SHROOM3: variants seen among roughly 807,000 people sequenced by gnomAD.
SHROOM3 encodes the protein shroom family member 3.
In SHROOM3, 47 loss-of-function variants were observed where a neutral mutation model predicts 138.6. That is an observed-to-expected ratio of 0.34 (90% CI 0.27 to 0.43). The LOEUF (loss-of-function observed/expected upper bound fraction) is 0.43. Among genes scored for constraint, SHROOM3 ranks in the 20% least tolerant of loss-of-function variants. The pLI, the probability that SHROOM3 is intolerant of heterozygous loss-of-function variation, is 1.00. For missense variants in SHROOM3, 2,491 were observed against 2,596.5 expected, an observed-to-expected ratio of 0.96 and a Z score of 0.88; for synonymous variants, 1,062 against 1,063.3, an observed-to-expected ratio of 1.00 and a Z score of 0.02.
chr4:76,643,962 G>A (rs1404679517), intron 2 of SHROOM3, among the ~76,000 whole-genome samples: 1 of 151,258 alleles, frequency 6.6e-6, no homozygotes, highest in African/African-American at 2.4e-5. Context: ...CTCCTGCCTC[G>A]GCCTCCAAAG....
At chr4:76,482,373 AGAGCCAAATCAT>A (rs1196225062) in intron 1 of SHROOM3, among the ~76,000 whole-genome samples, 1 of 152,206 alleles carries the variant, frequency 6.6e-6, no homozygotes, top group African/African-American at 2.4e-5. Context: ...AGACAAACAG[AGAGCCAAATCAT>A]GAGCCAAATC....
chr4:76,532,578 A>C (rs899065612), intron 1 of SHROOM3, among the ~76,000 whole-genome samples: 2 of 147,688 alleles, frequency 1.4e-5, no homozygotes, highest in African/African-American at 5.2e-5. Context: ...TGTGCCTTTC[A>C]CCCAAAACTT....
At chr4:76,743,720 G>A (rs1721339515) in intron 5 of SHROOM3, among the ~76,000 whole-genome samples, 1 of 152,106 alleles carries the variant, frequency 6.6e-6, no homozygotes, top group Admixed American at 6.5e-5. Flanking sequence ...GTTTAGAATT[G>A]TACAGAAATA....
Position 76,756,905 on chromosome 4 carries a change from A to G in SHROOM3, c.5166A>G (p.Arg1722=). 1 of 1,614,064 alleles carries G rather than the reference A, an allele frequency of 6.2e-7. No individual in the cohort carries two copies. The highest frequency in any genetic ancestry group is 1.1e-5 in the South Asian group (1 of 91,060). ...ENSVKRKAIQ[R]TVSSSGCEGK... is the part of the protein sequence containing the mutation. The stretch of plus-strand genomic sequence containing the variant: ...GTGTAAAGAGGAAGGCCATACAGAG[A>G]ACTGTCAGCTCTTCAGGATGTGAAG... The change falls in exon 8 of 11, where the codon AGA becomes AGG. Residue 1722 remains arginine (R), a synonymous_variant. Transcript: ENST00000296043.
chr4:76,437,921 G>A (rs1401827883), intron 1 of SHROOM3, among the ~76,000 whole-genome samples: 2 of 152,154 alleles, frequency 1.3e-5, no homozygotes, highest in Admixed American at 6.6e-5. Flanking sequence ...TGACAGAAAG[G>A]TCTAATCCTC....
At chr4:76,601,927 A>C (rs1483734780) in intron 2 of SHROOM3, among the ~76,000 whole-genome samples, 8 of 152,186 alleles carry the variant, frequency 5.3e-5, no homozygotes, top group Non-Finnish European at 1.2e-4. Context: ...TTGTGACTGC[A>C]AAAAAACAAC....
intron 2 of SHROOM3, among the ~76,000 whole-genome samples, chr4:76,653,985 A>C (rs1049317556): frequency 4.6e-5 from 7 of 152,214 alleles, no homozygotes; most frequent in Non-Finnish European, 1.0e-4. Flanking sequence ...GTAATGGAGA[A>C]AAACTCATAT....
Position 76,514,568 on chromosome 4 carries a change from T to G in SHROOM3, c.169-41041T>G, listed in dbSNP as rs144726859. On this transcript the variant is annotated intron_variant, in intron 1 of 10. Transcript: ENST00000296043. Reference sequence around the variant, plus strand: ...ACGATGAAAATGTTCTGAAATTAGATAGTGGTCCTAGTTCCACAACTCTGT... The same window carrying G: ...ACGATGAAAATGTTCTGAAATTAGAGAGTGGTCCTAGTTCCACAACTCTGT... Among the ~76,000 whole-genome samples the G allele has an allele frequency of 5.4e-3, 816 of 152,296 alleles. 8 individuals carry two copies. The highest frequency in any genetic ancestry group is 0.019 in the African/African-American group (783 of 41,550).
At chr4:76,648,506 AT>A (rs11360201) in intron 2 of SHROOM3, among the ~76,000 whole-genome samples, 100,992 of 150,052 alleles carry the variant, frequency 0.67, 34,572 homozygotes, top group East Asian at 0.94. Context: ...AAAGACCTGC[AT>A]TTTTTTTTTT....
intron 1 of SHROOM3, among the ~76,000 whole-genome samples, chr4:76,468,035 G>A (rs1410925649): frequency 6.6e-6 from 1 of 152,254 alleles, no homozygotes; most frequent in African/African-American, 2.4e-5. Flanking sequence ...AGAATGGCAA[G>A]CAGCCTGTTG....
chr4:76,634,614 A>C (rs1040863162), intron 2 of SHROOM3, among the ~76,000 whole-genome samples: 7 of 152,224 alleles, frequency 4.6e-5, no homozygotes, highest in Admixed American at 1.3e-4. Flanking sequence ...TTAGGTTTAT[A>C]ATTTATCAAA....
chr4:76,579,431 G>A (rs1372455876), intron 2 of SHROOM3, among the ~76,000 whole-genome samples: 2 of 152,350 alleles, frequency 1.3e-5, no homozygotes, highest in East Asian at 3.9e-4. Context: ...TCGTGCCACT[G>A]CACTCCAGCC....
chr4:76,605,938 TATATATATACAC>T (rs1560561989), intron 2 of SHROOM3, among the ~76,000 whole-genome samples: 1 of 142,146 alleles, frequency 7.0e-6, no homozygotes, highest in African/African-American at 2.7e-5. Flanking sequence ...TCTCTCTATA[TATATATATACAC>T]ATATATATAT....
intron 1 of SHROOM3, among the ~76,000 whole-genome samples, chr4:76,535,194 T>A (rs144582479): frequency 6.6e-6 from 1 of 152,288 alleles, no homozygotes; most frequent in East Asian, 1.9e-4. Context: ...ATTAACTACA[T>A]GTTTTGTATC....
At chr4:76,571,105 G>A (rs1054177205) in intron 2 of SHROOM3, among the ~76,000 whole-genome samples, 3 of 152,262 alleles carry the variant, frequency 2.0e-5, no homozygotes, top group Admixed American at 6.5e-5. Flanking sequence ...TGTTAGCTTT[G>A]GGTGGGTGTC....
intron 2 of SHROOM3, among the ~76,000 whole-genome samples, chr4:76,582,206 A>T (rs974199004): frequency 2.0e-5 from 3 of 152,184 alleles, no homozygotes; most frequent in African/African-American, 7.2e-5. Context: ...AAACCAGACC[A>T]AGAGTTCAAG....
At chr4:76,587,745 T>C (rs189058136) in intron 2 of SHROOM3, among the ~76,000 whole-genome samples, 19 of 152,342 alleles carry the variant, frequency 1.2e-4, no homozygotes, top group Admixed American at 2.6e-4. Flanking sequence ...AGATGAAATA[T>C]GATCATCACA....
At chr4:76,517,747 A>G (rs1732473100) in intron 1 of SHROOM3, among the ~76,000 whole-genome samples, 1 of 152,082 alleles carries the variant, frequency 6.6e-6, no homozygotes, top group Non-Finnish European at 1.5e-5. Context: ...TGTGTATGCT[A>G]GCAGAGAGAG....
chr4:76,626,225 T>C (rs1735139845), intron 2 of SHROOM3, among the ~76,000 whole-genome samples: 1 of 152,140 alleles, frequency 6.6e-6, no homozygotes, highest in Non-Finnish European at 1.5e-5. Context: ...AAAATCACTC[T>C]CTCCAAGTGG....
Sources: allele counts gnomAD v4.1 joint callset (sites outside exome capture counted in the v4.1 genomes callset), GRCh38; gene constraint gnomAD v4.1.1; transcripts MANE v1.5; gene names NCBI Gene and HGNC (gene_info 2026-07-23, HGNC 2026-07-21).